GALNTL6: variants seen among roughly 807,000 people sequenced by gnomAD.
GALNTL6 encodes the protein polypeptide N-acetylgalactosaminyltransferase-like 6.
Under a neutral mutation model 73.7 loss-of-function variants are expected in GALNTL6, and 46 were observed. The observed-to-expected ratio is 0.62, with a 90% CI of 0.49 to 0.80. The LOEUF (loss-of-function observed/expected upper bound fraction) is 0.80, where lower values mean the gene tolerates loss of function less well. GALNTL6 is among the 30% of genes least tolerant of loss of function. The pLI, the probability that GALNTL6 is intolerant of heterozygous loss-of-function variation, is 0.00. For missense variants in GALNTL6, 604 were observed against 755.0 expected (o/e 0.80, Z 2.34); for synonymous variants, 259 against 263.7 (o/e 0.98, Z 0.17).
chr4:171,993,683 A>T (rs1238027155), intron 2 of GALNTL6, among the ~76,000 whole-genome samples: 1 of 152,030 alleles, frequency 6.6e-6, no homozygotes. Flanking sequence ...AGTATGGTCC[A>T]TGTAGAGGTC....
intron 5 of GALNTL6, among the ~76,000 whole-genome samples, chr4:172,801,639 T>C (rs1029355258): frequency 6.6e-6 from 1 of 152,216 alleles, no homozygotes; most frequent in Non-Finnish European, 1.5e-5. Flanking sequence ...TACTACTCCA[T>C]AAGGGGCCAT....
intron 5 of GALNTL6, among the ~76,000 whole-genome samples, chr4:172,435,918 A>T (rs1731618006): frequency 1.3e-5 from 2 of 152,108 alleles, no homozygotes; most frequent in African/African-American, 2.4e-5. Context: ...TACTCTGGAC[A>T]TTTGGCTTGA....
intron 2 of GALNTL6, among the ~76,000 whole-genome samples, chr4:171,930,077 A>C (rs189197474): frequency 2.0e-3 from 299 of 152,346 alleles, no homozygotes; most frequent in African/African-American, 6.8e-3. Context: ...CCTAACAGCC[A>C]ATGTGGCAGT....
chr4:172,420,926 A>C (rs1427052259), intron 5 of GALNTL6, among the ~76,000 whole-genome samples: 1 of 151,738 alleles, frequency 6.6e-6, no homozygotes, highest in African/African-American at 2.4e-5. Context: ...AAAACCAAAC[A>C]CTGCATGTTC....
intron 5 of GALNTL6, among the ~76,000 whole-genome samples, chr4:172,736,123 G>A (rs546373606): frequency 6.6e-6 from 1 of 152,302 alleles, no homozygotes; most frequent in African/African-American, 2.4e-5. Context: ...TGTCATTGAT[G>A]AACAGGAAAC....
chr4:172,691,965 G>T (rs1363804975), intron 5 of GALNTL6, among the ~76,000 whole-genome samples: 1 of 152,098 alleles, frequency 6.6e-6, no homozygotes, highest in Non-Finnish European at 1.5e-5. Flanking sequence ...TAAGGATATG[G>T]TGAATGTAAA....
chr4:171,865,172 A>G (rs1035128864), intron 2 of GALNTL6, among the ~76,000 whole-genome samples: 1 of 152,094 alleles, frequency 6.6e-6, no homozygotes, highest in African/African-American at 2.4e-5. Flanking sequence ...TTAATCTTGG[A>G]AACCTAGAAA....
At chr4:172,696,312 G>C (rs1416593432) in intron 5 of GALNTL6, among the ~76,000 whole-genome samples, 1 of 152,102 alleles carries the variant, frequency 6.6e-6, no homozygotes, top group Admixed American at 6.5e-5. Flanking sequence ...TTAAAAGACT[G>C]TTTTCCTGTT....
intron 12 of GALNTL6, among the ~76,000 whole-genome samples, chr4:173,026,240 T>G (rs555312644): frequency 1.3e-5 from 2 of 152,024 alleles, no homozygotes; most frequent in Non-Finnish European, 2.9e-5. Context: ...TCAGAGCCAA[T>G]AAAGGGTGCA....
At chr4:172,863,926 A>T (rs1250440960) in intron 7 of GALNTL6, among the ~76,000 whole-genome samples, 1 of 152,194 alleles carries the variant, frequency 6.6e-6, no homozygotes, top group Non-Finnish European at 1.5e-5. Flanking sequence ...AGGTAATTGA[A>T]TCATGGTAGT....
At chr4:172,679,411 CAAA>C (rs61373196) in intron 5 of GALNTL6, among the ~76,000 whole-genome samples, 3 of 117,652 alleles carry the variant, frequency 2.5e-5, no homozygotes, top group African/African-American at 6.4e-5. Flanking sequence ...AACTCCATCT[CAAA>C]AAAAAAAAAA....
chr4:171,984,051 A>G (rs551467460), intron 2 of GALNTL6, among the ~76,000 whole-genome samples: 59 of 152,196 alleles, frequency 3.9e-4, no homozygotes, highest in Admixed American at 2.7e-3. Flanking sequence ...TGGTGGATTC[A>G]TTAGGGGCCC....
chr4:172,604,218 A>G (rs2111031336), intron 5 of GALNTL6, among the ~76,000 whole-genome samples: 1 of 152,314 alleles, frequency 6.6e-6, no homozygotes, highest in Non-Finnish European at 1.5e-5. Context: ...AAAATTCCAG[A>G]GACAGAGGGA....
intron 5 of GALNTL6, among the ~76,000 whole-genome samples, chr4:172,480,972 A>G (rs751200281): frequency 6.6e-6 from 1 of 152,130 alleles, no homozygotes; most frequent in Non-Finnish European, 1.5e-5. Context: ...TGCCATATTT[A>G]TTGGTCAAAG....
chr4:171,899,016 A>G (rs1441479775), intron 2 of GALNTL6, among the ~76,000 whole-genome samples: 1 of 143,666 alleles, frequency 7.0e-6, no homozygotes, highest in Non-Finnish European at 1.5e-5. Context: ...ATTCAGGGGC[A>G]TTTTATCATT....
intron 5 of GALNTL6, among the ~76,000 whole-genome samples, chr4:172,495,017 C>A (rs181640037): frequency 2.6e-5 from 4 of 152,104 alleles, no homozygotes; most frequent in African/African-American, 9.7e-5. Flanking sequence ...CTCATGGAGG[C>A]GCCTGGTAGC....
At position 172,632,008 on chromosome 4, in the gene GALNTL6, C is replaced by T. The variant is rs565168128; in HGVS notation, c.554-177353C>T. Reference sequence around the variant, plus strand: ...TGATGGTTTTATAAATGGGAGTTCCCCTTCACAAGCTCTCTTGCCTGCTGC... The same window carrying T: ...TGATGGTTTTATAAATGGGAGTTCCTCTTCACAAGCTCTCTTGCCTGCTGC... On this transcript the variant is annotated intron_variant, in intron 5 of 12. Coordinates refer to ENST00000506823, the MANE Select transcript of GALNTL6 (RefSeq NM_001034845.3). Among the ~76,000 whole-genome samples the T allele has an allele frequency of 3.9e-5, 6 of 152,272 alleles. No individual in the cohort carries two copies. The East Asian group carries it at 1.2e-3, about 29-fold the overall frequency.
intron 5 of GALNTL6, among the ~76,000 whole-genome samples, chr4:172,486,309 G>A (rs1296536054): frequency 6.6e-6 from 1 of 152,012 alleles, no homozygotes; most frequent in African/African-American, 2.4e-5. Flanking sequence ...AAGAATACAG[G>A]GATATAAAGT....
intron 2 of GALNTL6, among the ~76,000 whole-genome samples, chr4:171,985,288 G>C (rs976598345): frequency 1.3e-5 from 2 of 152,176 alleles, no homozygotes; most frequent in African/African-American, 4.8e-5. Flanking sequence ...TCACATGGCA[G>C]CAAGCCAGAG....
Sources: gnomAD v4.1 joint callset for allele counts (sites outside exome capture counted in the v4.1 genomes callset) on GRCh38, gnomAD v4.1.1 for gene constraint, MANE v1.5 for transcripts, NCBI Gene and HGNC (gene_info 2026-07-23, HGNC 2026-07-21) for gene names.